The following CHCHD4 variants were observed in gnomAD, a reference collection of about 807,000 sequenced individuals.
CHCHD4 encodes coiled-coil-helix-coiled-coil-helix domain containing 4.
CHCHD4 carries 7 observed loss-of-function variants against 12.4 expected under a neutral mutation model. That is an observed-to-expected ratio of 0.57 (90% CI 0.32 to 1.06). CHCHD4 has a LOEUF of 1.06. CHCHD4 is among the 50% of genes least tolerant of loss of function. The pLI is 0.04. For missense variants in CHCHD4, 143 were observed against 175.1 expected, an observed-to-expected ratio of 0.82 and a Z score of 1.03; for synonymous variants, 56 against 58.0, an observed-to-expected ratio of 0.97 and a Z score of 0.16.
chr3:14,120,356 C>A (rs1694920431), intron 1 of CHCHD4, among the ~76,000 whole-genome samples: 1 of 152,134 alleles, frequency 6.6e-6, no homozygotes, highest in Admixed American at 6.5e-5. Context: ...TCTTCGACCC[C>A]ATCTCCCACC....
chr3:14,124,386 T>C (rs1406346053), intron 1 of CHCHD4, among the ~76,000 whole-genome samples: 2 of 152,190 alleles, frequency 1.3e-5, no homozygotes, highest in Non-Finnish European at 2.9e-5. Context: ...GGACCTAGTT[T>C]ACGACTTCCT....
At chr3:14,116,740 T>G (rs572132211) in intron 1 of CHCHD4, among the ~76,000 whole-genome samples, 6 of 151,850 alleles carry the variant, frequency 4.0e-5, no homozygotes, top group African/African-American at 1.4e-4. Flanking sequence ...AGAAAAAGAG[T>G]GTCCTGGGGT....
rs773126374 is a variant in CHCHD4 at position 14,116,551 on chromosome 3, A to G, written c.23-27T>C. 4.2e-5 allele frequency: 65 copies of G among 1,529,906 alleles called. No homozygotes were observed. The South Asian group carries it at 6.5e-4, about 15-fold the overall frequency. 94.8% of individuals were successfully genotyped at this position (1,529,906 alleles called of 1,614,324 possible). ...TAGTGTTTGGAGAACAGAGGAAGAA[A>G]TATTTCATTCAAGAGCAGTGAATCA... is the stretch of plus-strand genomic sequence containing the variant. On this transcript the variant is annotated intron_variant, in intron 1 of 2. Coordinates refer to ENST00000396914, the MANE Select transcript of CHCHD4 (RefSeq NM_001098502.2).
intron 1 of CHCHD4, among the ~76,000 whole-genome samples, chr3:14,118,563 A>T (rs1018482403): frequency 6.6e-6 from 1 of 152,234 alleles, no homozygotes; most frequent in East Asian, 1.9e-4. Flanking sequence ...ACACTAGAAC[A>T]GAGTAACAAC....
intron 1 of CHCHD4, among the ~76,000 whole-genome samples, chr3:14,119,609 CT>C (rs1324624746): frequency 3.3e-5 from 5 of 152,190 alleles, no homozygotes; most frequent in Non-Finnish European, 5.9e-5. Flanking sequence ...AGCAATTTCT[CT>C]AGAGAAATAA....
rs537549799 is a variant in CHCHD4 at position 14,124,496 on chromosome 3, G to A, written c.22+159C>T. Reference sequence around the variant, plus strand: ...CGGTTTTCTCATCCGCAAAACAGGAGTAGCGACCCCCCAGCCGGCCCGCCT... The same window carrying A: ...CGGTTTTCTCATCCGCAAAACAGGAATAGCGACCCCCCAGCCGGCCCGCCT... On this transcript the variant is annotated intron_variant, in intron 1 of 2. Transcript: ENST00000396914. Among the ~76,000 whole-genome samples the A allele has an allele frequency of 3.3e-5, 5 of 152,134 alleles. No individual in the cohort carries two copies. In the South Asian group the frequency reaches 1.0e-3, roughly 32 times the overall value.
intron 1 of CHCHD4, among the ~76,000 whole-genome samples, chr3:14,121,405 G>C (rs1419642011): frequency 6.6e-6 from 1 of 152,214 alleles, no homozygotes; most frequent in African/African-American, 2.4e-5. Flanking sequence ...TCACCATTAA[G>C]TGAGTGAGAC....
intron 2 of CHCHD4, among the ~76,000 whole-genome samples, chr3:14,114,917 G>A (rs187264532): frequency 4.4e-4 from 67 of 152,260 alleles, no homozygotes; most frequent in South Asian, 1.0e-3. Flanking sequence ...CTCCGCCCCC[G>A]CCCAGGCCCC....
chr3:14,124,584 G>C, intron 1 of CHCHD4, 71 bp downstream of exon 1: 2 of 1,388,124 alleles, frequency 1.4e-6, no homozygotes, highest in South Asian at 3.0e-5. Flanking sequence ...GCGTGGTCGC[G>C]GGGCGCCGGG....
At chr3:14,123,045 C>T (rs71306079) in intron 1 of CHCHD4, among the ~76,000 whole-genome samples, 1 of 52,006 alleles carries the variant, frequency 1.9e-5, no homozygotes, top group Non-Finnish European at 3.9e-5. Flanking sequence ...CAGTGGGGGG[C>T]GGAGGGGGGG....
At chr3:14,124,630 C>A in intron 1 of CHCHD4, 25 bp downstream of exon 1, 1 of 1,507,946 alleles carries the variant, frequency 6.6e-7, no homozygotes, top group South Asian at 1.3e-5. Flanking sequence ...GTAGGCCGGT[C>A]TCCGTGGCAG....
Position 14,124,648 on chromosome 3 carries a change from T to C in CHCHD4, c.22+7A>G. ...GGCCGGTCTCCGTGGCAGCCCGCCC[T>C]CCCTACCTTCCTGCCGGCAATAGGA... is the stretch of plus-strand genomic sequence containing the variant. On this transcript the variant is annotated splice_region_variant and intron_variant, in intron 1 of 2. Coordinates refer to ENST00000396914, the MANE Select transcript of CHCHD4 (RefSeq NM_001098502.2). The C allele has an allele frequency of 6.6e-7, 1 of 1,518,462 alleles. No homozygotes were observed. The highest frequency in any genetic ancestry group is 8.8e-7 in the Non-Finnish European group (1 of 1,135,466). 94.1% of individuals were successfully genotyped at this position (1,518,462 alleles called of 1,614,324 possible). A position where few individuals can be genotyped will look rare whatever the true frequency, so the allele number is the denominator to read the frequency against.
chr3:14,116,157 C>G (rs946256217), intron 2 of CHCHD4, among the ~76,000 whole-genome samples: 1 of 152,180 alleles, frequency 6.6e-6, no homozygotes, highest in Non-Finnish European at 1.5e-5. Context: ...GCCCTGTCAC[C>G]TTAACCTACC....
intron 2 of CHCHD4, among the ~76,000 whole-genome samples, chr3:14,114,579 A>C (rs1009837431): frequency 1.3e-5 from 2 of 152,182 alleles, no homozygotes; most frequent in African/African-American, 4.8e-5. Context: ...ATCTGCTCAC[A>C]AACCTGCACA....
At position 14,116,404 on chromosome 3, in the gene CHCHD4, TGGGAG is replaced by T; in HGVS notation, c.121+17_121+21del. The T allele has an allele frequency of 6.6e-7, 1 of 1,526,402 alleles. No individual in the cohort carries two copies. Among genetic ancestry groups the T allele is most frequent in the South Asian group, 1.1e-5 (1 of 89,430 alleles). 94.6% of individuals were successfully genotyped at this position (1,526,402 alleles called of 1,614,324 possible). A position where few individuals can be genotyped will look rare whatever the true frequency, so the allele number is the denominator to read the frequency against. ...TCCCCAGTGCCCTGGTGTGGGTCCC[TGGGAG>T]GCCACATGTCACTCACCATGCTCCT... is the stretch of plus-strand genomic sequence containing the variant. On this transcript the variant is annotated intron_variant, in intron 2 of 2. Coordinates refer to ENST00000396914, the MANE Select transcript of CHCHD4 (RefSeq NM_001098502.2).
In CHCHD4 at chr3:14,120,824, G is replaced by A. The variant is rs140848636; in HGVS notation, c.22+3831C>T. Among the ~76,000 whole-genome samples the A allele has an allele frequency of 9.8e-4, 149 of 152,280 alleles. 1 individual carries two copies. Among genetic ancestry groups the A allele is most frequent in the African/African-American group, 3.4e-3 (140 of 41,558 alleles). On this transcript the variant is annotated intron_variant, in intron 1 of 2. Transcript: ENST00000396914. ...TAAGAATTAAAGAGGAGAGAAACACGAAGGGTGGCTTTTCAGTCAACAGGG... is the reference window on the plus strand; with the variant it reads ...TAAGAATTAAAGAGGAGAGAAACACAAAGGGTGGCTTTTCAGTCAACAGGG...
chr3:14,113,201 C>A lies in CHCHD4; in HGVS notation c.122-7G>T. 1 of 1,594,676 alleles carries A rather than the reference C, an allele frequency of 6.3e-7. No homozygotes were observed. Among genetic ancestry groups the A allele is most frequent in the Non-Finnish European group, 8.6e-7 (1 of 1,169,290 alleles). The stretch of plus-strand genomic sequence containing the variant: ...CCATTTGGCAGTATCAATCCTAGAA[C>A]AGGAAGATAGAGAGATGTTCTCTAA... On this transcript the variant is annotated splice_region_variant and splice_polypyrimidine_tract_variant and intron_variant, in intron 2 of 2. Coordinates refer to ENST00000396914, the MANE Select transcript of CHCHD4 (RefSeq NM_001098502.2).
At chr3:14,116,677 G>A (rs1200583668) in intron 1 of CHCHD4, among the ~76,000 whole-genome samples, 153 bp from the exon 2 acceptor site, 1 of 151,290 alleles carries the variant, frequency 6.6e-6, no homozygotes, top group African/African-American at 2.5e-5. Context: ...ATATGCTAGG[G>A]GTAGCAAACA....
chr3:14,124,721 C>A lies in CHCHD4; in HGVS notation c.-45G>T, dbSNP rs770619366. 2.4e-5 allele frequency: 36 copies of A among 1,512,878 alleles called. No individual in the cohort carries two copies. In the East Asian group the frequency reaches 5.4e-4, roughly 23 times the overall value. 93.7% of individuals were successfully genotyped at this position (1,512,878 alleles called of 1,614,324 possible). On this transcript the variant is annotated 5_prime_UTR_variant, in exon 1 of 3. Coordinates refer to ENST00000396914, the MANE Select transcript of CHCHD4 (RefSeq NM_001098502.2). ...GACCTTGCAGAAGCGGCGGTGGCGGCAGCTGCACCTTTACGCCGTGACCTC... is the reference window on the plus strand; with the variant it reads ...GACCTTGCAGAAGCGGCGGTGGCGGAAGCTGCACCTTTACGCCGTGACCTC...
Sources: allele counts gnomAD v4.1 joint callset (sites outside exome capture counted in the v4.1 genomes callset), GRCh38; gene constraint gnomAD v4.1.1; transcripts MANE v1.5; gene names NCBI Gene and HGNC (gene_info 2026-07-23, HGNC 2026-07-21).